Variants in PCDH15 observed in about 807,000 individuals in gnomAD.
The protein encoded by PCDH15 is protocadherin-15.
In PCDH15, 129 loss-of-function variants were observed where a neutral mutation model predicts 178.5. That is an observed-to-expected ratio of 0.72 (90% CI 0.63 to 0.84). The LOEUF is 0.84. Ranked by LOEUF, PCDH15 falls within the 40% of genes least tolerant of loss-of-function variation. PCDH15 has a pLI of 0.00. For synonymous variants in PCDH15, 800 were observed against 732.0 expected (o/e 1.09, Z -1.50); for missense variants, 2,230 against 2,099.9 (o/e 1.06, Z -1.21).
chr10:54,212,371 T>G (rs2051536424), intron 10 of PCDH15, among the ~76,000 whole-genome samples: 1 of 152,130 alleles, frequency 6.6e-6, no homozygotes, highest in African/African-American at 2.4e-5. Flanking sequence ...CAGGAAACTG[T>G]AGTCATCCTT....
At chr10:55,126,632 A>C (rs1175379888) in intron 2 of PCDH15, among the ~76,000 whole-genome samples, 1 of 152,138 alleles carries the variant, frequency 6.6e-6, no homozygotes, top group Non-Finnish European at 1.5e-5. Context: ...ACTCAAAAAA[A>C]CAAAAAAAAG....
chr10:54,081,982 T>A (rs2094443089), intron 16 of PCDH15, among the ~76,000 whole-genome samples: 1 of 152,126 alleles, frequency 6.6e-6, no homozygotes, highest in African/African-American at 2.4e-5. Context: ...GAATTTGTTT[T>A]AAAAAAAGGT....
intron 2 of PCDH15, among the ~76,000 whole-genome samples, chr10:54,631,400 C>G (rs1415067535): frequency 6.6e-6 from 1 of 152,084 alleles, no homozygotes; most frequent in Non-Finnish European, 1.5e-5. Flanking sequence ...AATACAAGAA[C>G]AGCCTAACAC....
intron 2 of PCDH15, among the ~76,000 whole-genome samples, chr10:55,527,393 T>C (rs921570243): frequency 6.6e-6 from 1 of 152,072 alleles, no homozygotes; most frequent in Non-Finnish European, 1.5e-5. Flanking sequence ...CATCTTCATA[T>C]AGCATTCTTC....
At chr10:54,602,050 G>T (rs951825573) in intron 2 of PCDH15, among the ~76,000 whole-genome samples, 1 of 151,770 alleles carries the variant, frequency 6.6e-6, no homozygotes, top group African/African-American at 2.4e-5. Flanking sequence ...TAGTACACAG[G>T]TGATTAAACA....
intron 7 of PCDH15, among the ~76,000 whole-genome samples, chr10:54,326,285 G>A (rs1044134703): frequency 6.6e-6 from 1 of 152,138 alleles, no homozygotes; most frequent in African/African-American, 2.4e-5. Context: ...TTTATCATTT[G>A]TGGAAGTGTG....
intron 2 of PCDH15, among the ~76,000 whole-genome samples, chr10:55,053,079 T>C (rs1841206230): frequency 6.6e-6 from 1 of 152,164 alleles, no homozygotes; most frequent in Admixed American, 6.5e-5. Context: ...TCAAATAGCA[T>C]TCACAAAAGG....
chr10:55,337,091 A>T (rs1177740036), intron 2 of PCDH15, among the ~76,000 whole-genome samples: 1 of 152,206 alleles, frequency 6.6e-6, no homozygotes, highest in Non-Finnish European at 1.5e-5. Context: ...CTCAGAAAGT[A>T]TAAGGAGTTT....
intron 3 of PCDH15, among the ~76,000 whole-genome samples, chr10:54,806,918 C>G (rs1002316122): frequency 6.6e-6 from 1 of 152,116 alleles, no homozygotes; most frequent in Admixed American, 6.6e-5. Flanking sequence ...TCAAGGCCAC[C>G]AGGAGAAGCT....
chr10:55,146,498 A>T (rs1189905872), intron 2 of PCDH15, among the ~76,000 whole-genome samples: 1 of 151,956 alleles, frequency 6.6e-6, no homozygotes, highest in Non-Finnish European at 1.5e-5. Context: ...TGTTACTTAG[A>T]AAAGAAAAAA....
chr10:55,426,219 A>G (rs1478735591), intron 2 of PCDH15, among the ~76,000 whole-genome samples: 1 of 151,184 alleles, frequency 6.6e-6, no homozygotes, highest in Admixed American at 6.6e-5. Context: ...TATTCCCCTG[A>G]CCTCTTGGTG....
At chr10:55,404,031 C>A (rs1010366391) in intron 2 of PCDH15, among the ~76,000 whole-genome samples, 3 of 151,996 alleles carry the variant, frequency 2.0e-5, no homozygotes, top group Non-Finnish European at 4.4e-5. Context: ...GGTTGTGTCA[C>A]ACTGTAATCT....
chr10:55,134,505 C>A (rs1454275785), intron 2 of PCDH15, among the ~76,000 whole-genome samples: 1 of 152,138 alleles, frequency 6.6e-6, no homozygotes, highest in South Asian at 2.1e-4. Context: ...TGTGTTGTCA[C>A]CAGTTCCGTG....
chr10:53,961,674 G>A, intron 22 of PCDH15, 78 bp downstream of exon 22: 4 of 1,011,784 alleles, frequency 4.0e-6, no homozygotes, highest in Non-Finnish European at 5.4e-6. Context: ...AGAAAAAAAT[G>A]TGCTGTCATC....
chr10:55,012,443 A>G (rs996161595), intron 2 of PCDH15, among the ~76,000 whole-genome samples: 1 of 152,104 alleles, frequency 6.6e-6, no homozygotes, highest in African/African-American at 2.4e-5. Flanking sequence ...CTGTGGCCAT[A>G]TCTTTCTCCT....
chr10:54,380,705 C>CATATATATATATAT (rs58171476), intron 3 of PCDH15, among the ~76,000 whole-genome samples: 10 of 49,010 alleles, frequency 2.0e-4, no homozygotes, highest in Non-Finnish European at 3.2e-4. Context: ...ATATATGCTC[C>CATATATATATATAT]ATATATATAT....
At chr10:55,365,928 T>C (rs549397912) in intron 2 of PCDH15, among the ~76,000 whole-genome samples, 2 of 152,132 alleles carry the variant, frequency 1.3e-5, no homozygotes, top group South Asian at 2.1e-4. Context: ...CCCTTTCCAC[T>C]CCTTAGATTA....
chr10:54,240,554 T>C (rs185684063), intron 8 of PCDH15, among the ~76,000 whole-genome samples: 39 of 151,088 alleles, frequency 2.6e-4, no homozygotes, highest in Admixed American at 2.4e-3. Flanking sequence ...GATAAGAGAA[T>C]AACAGATGGT....
chr10:55,606,383 T>C (rs1236501936), intron 2 of PCDH15, among the ~76,000 whole-genome samples: 2 of 145,366 alleles, frequency 1.4e-5, no homozygotes, highest in Admixed American at 7.1e-5. Context: ...CTTCACAGAA[T>C]TGGAAAAAAC....
Sources: gnomAD v4.1 joint callset for allele counts (sites outside exome capture counted in the v4.1 genomes callset) on GRCh38, gnomAD v4.1.1 for gene constraint, MANE v1.5 for transcripts, NCBI Gene and HGNC (gene_info 2026-07-23, HGNC 2026-07-21) for gene names.